The following EEFSEC variants were observed in gnomAD, a reference collection of about 807,000 sequenced individuals.
EEFSEC encodes eukaryotic elongation factor, selenocysteine-tRNA specific.
EEFSEC carries 43 observed loss-of-function variants against 42.1 expected under a neutral mutation model. That is an observed-to-expected ratio of 1.02 (90% CI 0.80 to 1.32). The LOEUF is 1.32. Ranked by LOEUF, EEFSEC falls within the 40% of genes most tolerant of loss-of-function variation. The pLI, the probability that EEFSEC is intolerant of heterozygous loss-of-function variation, is 0.00. For missense variants in EEFSEC, 745 were observed against 803.6 expected (o/e 0.93, Z 0.88); for synonymous variants, 354 against 339.1 (o/e 1.04, Z -0.48).
chr3:128,209,306 G>A (rs900139539), intron 1 of EEFSEC, among the ~76,000 whole-genome samples: 1 of 152,198 alleles, frequency 6.6e-6, no homozygotes, highest in African/African-American at 2.4e-5. Context: ...CCTGGTTTAG[G>A]CAAGGTAGAC....
At chr3:128,341,116 C>A in intron 4 of EEFSEC, 117 bp from the exon 5 acceptor site, 1 of 1,282,054 alleles carries the variant, frequency 7.8e-7, no homozygotes, top group Non-Finnish European at 1.1e-6. Context: ...CTTGGCTGGT[C>A]CTCACGGTGC....
chr3:128,221,198 GT>G (rs1431918983), intron 1 of EEFSEC, among the ~76,000 whole-genome samples: 2 of 152,330 alleles, frequency 1.3e-5, no homozygotes, highest in Non-Finnish European at 2.9e-5. Flanking sequence ...GCTGGATAAA[GT>G]GAGGAAACAC....
At position 128,246,988 on chromosome 3, in the gene EEFSEC, C is replaced by G. The variant is rs776491083; in HGVS notation, c.469C>G (p.Gln157Glu). 1 of 1,614,058 alleles carries G rather than the reference C, an allele frequency of 6.2e-7. No homozygotes were observed. Among genetic ancestry groups the G allele is most frequent in the East Asian group, 2.2e-5 (1 of 44,882 alleles). Residue 157 changes from glutamine to glutamate, a missense_variant, in exon 2 of 7, where the codon CAG (glutamine) becomes GAG (glutamate). Transcript: ENST00000254730. The stretch of plus-strand genomic sequence containing the variant: ...AGACCTCTTACCTGAAGGAAAGAGA[C>G]AGGCAGCAATTGATAAAATGACCAA... The part of the protein sequence containing the change: ...KIDLLPEGKR[Q>E]AAIDKMTKKM...
At chr3:128,378,872 G>A (rs896726280) in intron 6 of EEFSEC, among the ~76,000 whole-genome samples, 1 of 152,212 alleles carries the variant, frequency 6.6e-6, no homozygotes, top group Non-Finnish European at 1.5e-5. Context: ...CCCCTGAGGT[G>A]AGGGCAAACT....
At chr3:128,407,306 G>A (rs755310044) in intron 6 of EEFSEC, among the ~76,000 whole-genome samples, 77 of 152,350 alleles carry the variant, frequency 5.1e-4, no homozygotes, top group Non-Finnish European at 9.0e-4. Flanking sequence ...AAGCCTGGGG[G>A]CGGGGCTGCG....
intron 1 of EEFSEC, among the ~76,000 whole-genome samples, chr3:128,161,840 A>G (rs2065191049): frequency 6.6e-6 from 1 of 152,192 alleles, no homozygotes; most frequent in Non-Finnish European, 1.5e-5. Flanking sequence ...AATTTCAACC[A>G]GATTTTTTTG....
intron 4 of EEFSEC, among the ~76,000 whole-genome samples, chr3:128,268,388 G>C (rs2107940383): frequency 6.6e-6 from 1 of 152,244 alleles, no homozygotes; most frequent in East Asian, 1.9e-4. Context: ...ATGGCCTAAT[G>C]GACTGAGAGT....
intron 4 of EEFSEC, among the ~76,000 whole-genome samples, chr3:128,276,281 G>A (rs1031637359): frequency 1.6e-4 from 25 of 152,220 alleles, no homozygotes; most frequent in African/African-American, 6.0e-4. Context: ...AACATTCTTG[G>A]TCCACCCCGG....
chr3:128,334,375 G>A (rs1302993013), intron 4 of EEFSEC, among the ~76,000 whole-genome samples: 2 of 152,210 alleles, frequency 1.3e-5, no homozygotes, highest in Non-Finnish European at 2.9e-5. Flanking sequence ...AGCCACAGCT[G>A]CCTGCTGCCT....
chr3:128,344,558 G>C lies in EEFSEC; in HGVS notation c.1443+2669G>C, dbSNP rs138952518. Among the ~76,000 whole-genome samples, 792 of 152,336 alleles carry C rather than the reference G, an allele frequency of 5.2e-3. 3 individuals are homozygous for C. The highest frequency in any genetic ancestry group is 8.9e-3 in the Non-Finnish European group (608 of 68,032). On this transcript the variant is annotated intron_variant, in intron 5 of 6. Transcript: ENST00000254730. ...CCCAAGGTCACAGGGTAGTAAAGCT[G>C]GAGTTTGAACTCAGGACTAGCTGGT...
chr3:128,355,121 A>G (rs2067435954), intron 5 of EEFSEC, among the ~76,000 whole-genome samples: 1 of 152,140 alleles, frequency 6.6e-6, no homozygotes, highest in African/African-American at 2.4e-5. Context: ...TGGCCTCCTC[A>G]CACTCAGTGA....
At chr3:128,227,708 G>A (rs1305296526) in intron 1 of EEFSEC, among the ~76,000 whole-genome samples, 2 of 152,190 alleles carry the variant, frequency 1.3e-5, no homozygotes, top group African/African-American at 4.8e-5. Context: ...AATTGAGCCC[G>A]AGCTCAGTCC....
chr3:128,156,771 C>T (rs1035617098), intron 1 of EEFSEC, among the ~76,000 whole-genome samples: 2 of 152,206 alleles, frequency 1.3e-5, no homozygotes, highest in Non-Finnish European at 2.9e-5. Context: ...TCTGACTGTT[C>T]TACCTACTGG....
At chr3:128,425,458 C>T in the EEFSEC span, among the ~76,000 whole-genome samples, 1 of 152,162 alleles carries the variant, frequency 6.6e-6, no homozygotes, top group African/African-American at 2.4e-5. Flanking sequence ...AAAGCTGCTC[C>T]GAACACTCTT....
In EEFSEC at chr3:128,408,265, C is replaced by T. The variant is rs371543958; in HGVS notation, c.*6C>T. On this transcript the variant is annotated 3_prime_UTR_variant, in exon 7 of 7. Transcript: ENST00000254730. ...GCATGGTTCAGTCTCCCTGAGTGTCCGGTGACCTCCCCCAGGGCCTCCTTG... is the reference window on the plus strand; with the variant it reads ...GCATGGTTCAGTCTCCCTGAGTGTCTGGTGACCTCCCCCAGGGCCTCCTTG... 3.3e-5 allele frequency: 51 copies of T among 1,559,446 alleles called. No individual in the cohort carries two copies. The highest frequency in any genetic ancestry group is 2.0e-4 in the Admixed American group (11 of 55,238).
At chr3:128,416,281 A>G in the EEFSEC span, among the ~76,000 whole-genome samples, 1 of 152,068 alleles carries the variant, frequency 6.6e-6, no homozygotes, top group East Asian at 1.9e-4. Flanking sequence ...TCCCCAAGGC[A>G]TCTGGGCAGC....
At chr3:128,277,196 A>G (rs958447230) in intron 4 of EEFSEC, among the ~76,000 whole-genome samples, 1 of 152,216 alleles carries the variant, frequency 6.6e-6, no homozygotes, top group Non-Finnish European at 1.5e-5. Context: ...GTGTTTCCTG[A>G]GTGTGCGTAA....
intron 5 of EEFSEC, among the ~76,000 whole-genome samples, chr3:128,343,582 G>C (rs570414529): frequency 6.6e-6 from 1 of 152,168 alleles, no homozygotes; most frequent in East Asian, 1.9e-4. Context: ...AGCAGTGTTT[G>C]GAGTATAATT....
At chr3:128,250,005 T>C (rs1465982862) in intron 2 of EEFSEC, among the ~76,000 whole-genome samples, 2 of 152,222 alleles carry the variant, frequency 1.3e-5, no homozygotes, top group Non-Finnish European at 2.9e-5. Context: ...TTACTAATGA[T>C]ATTGAGCATC....
Sources: gnomAD v4.1 joint callset for allele counts (sites outside exome capture counted in the v4.1 genomes callset) on GRCh38, gnomAD v4.1.1 for gene constraint, MANE v1.5 for transcripts, NCBI Gene and HGNC (gene_info 2026-07-23, HGNC 2026-07-21) for gene names.